Variants in MYO3A observed in about 807,000 individuals in gnomAD.
MYO3A encodes myosin IIIA.
A neutral mutation model predicts 192.7 loss-of-function variants in MYO3A; 180 were observed. That is an observed-to-expected ratio of 0.93 (90% CI 0.83 to 1.06). The LOEUF (loss-of-function observed/expected upper bound fraction) is 1.06, where lower values mean the gene tolerates loss of function less well. MYO3A is among the 50% of genes least tolerant of loss of function. The pLI, the probability that MYO3A is intolerant of heterozygous loss-of-function variation, is 0.00. For synonymous variants in MYO3A, 628 were observed against 645.3 expected, an observed-to-expected ratio of 0.97 and a Z score of 0.41; for missense variants, 1,896 against 1,905.0, an observed-to-expected ratio of 1.00 and a Z score of 0.09.
chr10:26,166,514 C>A (rs1841761390), intron 27 of MYO3A, among the ~76,000 whole-genome samples: 1 of 151,968 alleles, frequency 6.6e-6, no homozygotes, highest in South Asian at 2.1e-4. Context: ...GCACTCCAGC[C>A]TATGCAACTT....
chr10:26,007,828 T>G (rs12263565), intron 6 of MYO3A, among the ~76,000 whole-genome samples: 12,924 of 149,892 alleles, frequency 0.086, 995 homozygotes, highest in African/African-American at 0.2. Flanking sequence ...TATAGATTCA[T>G]TGCCATCCCC....
chr10:26,038,621 A>G (rs186966475), intron 10 of MYO3A, among the ~76,000 whole-genome samples: 20 of 152,304 alleles, frequency 1.3e-4, no homozygotes, highest in Admixed American at 1.0e-3. Context: ...ATACCGTCAT[A>G]TCCTCTGCAA....
chr10:26,024,116 A>G, intron 9 of MYO3A, 29 bp downstream of exon 9: 1 of 1,569,872 alleles, frequency 6.4e-7, no homozygotes, highest in Non-Finnish European at 8.8e-7. Flanking sequence ...TTAAAAAACC[A>G]AAGATATTCC....
chr10:25,939,878 CT>C (rs35657234), intron 2 of MYO3A, among the ~76,000 whole-genome samples: 66,216 of 151,590 alleles, frequency 0.44, 15,499 homozygotes, highest in East Asian at 0.62. Context: ...TTCTTTCAGC[CT>C]TTATTTGACA....
Position 26,173,907 on chromosome 10 carries a change from C to T in MYO3A, c.3643C>T (p.Gln1215Ter), listed in dbSNP as rs1842179684. ...TGTAGGGCCAGAAGTAAGCCCCAAA[C>T]AGAAGTCTGTCAAAGACCTGGAAGA... ...YLVGPEVSPKQKSVKDLEENS... is the reference protein window; with the variant it reads ...YLVGPEVSPK Residue 1215 changes from glutamine to a stop codon, truncating the protein, a stop_gained, in exon 30 of 35, where the codon CAG (glutamine) becomes TAG (stop). Coordinates refer to ENST00000642920, the MANE Select transcript of MYO3A (RefSeq NM_017433.5). LOFTEE classifies it high-confidence loss of function. The T allele has an allele frequency of 1.9e-6, 3 of 1,613,612 alleles. No individual in the cohort carries two copies. The highest frequency in any genetic ancestry group is 2.2e-5 in the South Asian group (2 of 90,952).
chr10:26,202,887 A>G (rs980397987), intron 33 of MYO3A, 77 bp from the exon 34 acceptor site: 3 of 1,475,688 alleles, frequency 2.0e-6, no homozygotes, highest in Non-Finnish European at 2.8e-6. Flanking sequence ...ACTTTTAAAG[A>G]AAAAAAAGTA....
At chr10:26,072,264 G>A (rs1445730230) in intron 14 of MYO3A, among the ~76,000 whole-genome samples, 1 of 152,128 alleles carries the variant, frequency 6.6e-6, no homozygotes, top group Non-Finnish European at 1.5e-5. Flanking sequence ...AGATTTTGGT[G>A]GGGACACAGA....
chr10:26,109,266 A>T (rs1177263667), intron 17 of MYO3A, among the ~76,000 whole-genome samples: 1 of 152,240 alleles, frequency 6.6e-6, no homozygotes, highest in East Asian at 1.9e-4. Flanking sequence ...ATCTGTAACA[A>T]TGAATATTTA....
intron 10 of MYO3A, among the ~76,000 whole-genome samples, chr10:26,044,567 C>G (rs72793979): frequency 0.16 from 24,766 of 152,110 alleles, 2,315 homozygotes; most frequent in Non-Finnish European, 0.21. Flanking sequence ...GATGGGTTGG[C>G]CTTGCGGGAG....
At chr10:26,111,068 A>G (rs1160664869) in intron 17 of MYO3A, among the ~76,000 whole-genome samples, 6 of 151,446 alleles carry the variant, frequency 4.0e-5, no homozygotes, top group African/African-American at 1.2e-4. Flanking sequence ...GCATCTCACT[A>G]TGTTGCCCAG....
At chr10:25,945,601 T>G (rs995309327) in intron 2 of MYO3A, among the ~76,000 whole-genome samples, 3 of 152,146 alleles carry the variant, frequency 2.0e-5, no homozygotes, top group Non-Finnish European at 2.9e-5. Context: ...TTTATCATTT[T>G]CCCATTTTCT....
chr10:25,961,678 A>G (rs1588664875), intron 4 of MYO3A, among the ~76,000 whole-genome samples: 1 of 152,170 alleles, frequency 6.6e-6, no homozygotes, highest in Non-Finnish European at 1.5e-5. Context: ...GGCAAACTGT[A>G]TATAAGATAA....
chr10:26,054,780 G>C (rs969250075), intron 10 of MYO3A, among the ~76,000 whole-genome samples: 1 of 152,192 alleles, frequency 6.6e-6, no homozygotes, highest in African/African-American at 2.4e-5. Context: ...CCAGAAACTG[G>C]AAAAGGCAAA....
intron 10 of MYO3A, among the ~76,000 whole-genome samples, chr10:26,037,352 A>G (rs1843092080): frequency 6.6e-6 from 1 of 152,216 alleles, no homozygotes; most frequent in African/African-American, 2.4e-5. Flanking sequence ...ATGCCTTGAT[A>G]TGGCTTTATA....
chr10:26,143,785 A>G (rs1840302876), intron 21 of MYO3A, among the ~76,000 whole-genome samples, 184 bp downstream of exon 21: 1 of 152,224 alleles, frequency 6.6e-6, no homozygotes, highest in Non-Finnish European at 1.5e-5. Flanking sequence ...ATAGGGTAAA[A>G]TATTTAGTGA....
chr10:26,049,518 TG>T (rs1843841830), intron 10 of MYO3A, among the ~76,000 whole-genome samples: 1 of 152,048 alleles, frequency 6.6e-6, no homozygotes, highest in African/African-American at 2.4e-5. Context: ...ATGATACATA[TG>T]AGAGGGGATC....
At chr10:26,111,099 C>G (rs1048928295) in intron 17 of MYO3A, among the ~76,000 whole-genome samples, 1 of 152,024 alleles carries the variant, frequency 6.6e-6, no homozygotes, top group Admixed American at 6.6e-5. Context: ...AACTCCTGGC[C>G]TTAAGTGATC....
chr10:26,000,395 C>G (rs1840716871), intron 6 of MYO3A, among the ~76,000 whole-genome samples: 2 of 152,204 alleles, frequency 1.3e-5, no homozygotes, highest in Admixed American at 6.5e-5. Flanking sequence ...AGGCATCACT[C>G]TGTTTGGCAG....
At chr10:26,044,140 T>G (rs1588848746) in intron 10 of MYO3A, among the ~76,000 whole-genome samples, 1 of 152,306 alleles carries the variant, frequency 6.6e-6, no homozygotes, top group South Asian at 2.1e-4. Flanking sequence ...GGGGACCTCA[T>G]GACTCTGATT....
Sources: allele counts gnomAD v4.1 joint callset (sites outside exome capture counted in the v4.1 genomes callset), GRCh38; gene constraint gnomAD v4.1.1; transcripts MANE v1.5; gene names NCBI Gene and HGNC (gene_info 2026-07-23, HGNC 2026-07-21).